The following FGF14 variants were observed in gnomAD, a reference collection of about 807,000 sequenced individuals.
The protein encoded by FGF14 is fibroblast growth factor homologous factor 4.
Under a neutral mutation model 25.5 loss-of-function variants are expected in FGF14, and 5 were observed. That is an observed-to-expected ratio of 0.20 (90% confidence interval 0.10 to 0.41). FGF14 has a LOEUF of 0.41. FGF14 is among the 10% of genes least tolerant of loss of function. FGF14 has a pLI of 1.00. For missense variants in FGF14, 222 were observed against 320.1 expected, an observed-to-expected ratio of 0.69 and a Z score of 2.34; for synonymous variants, 138 against 118.3, an observed-to-expected ratio of 1.17 and a Z score of -1.08.
At chr13:101,961,878 G>A (rs564920910) in intron 1 of FGF14, among the ~76,000 whole-genome samples, 12 of 152,212 alleles carry the variant, frequency 7.9e-5, no homozygotes, top group Middle Eastern at 6.8e-3. Flanking sequence ...CCAGTCTCAA[G>A]TATTTCTTCA....
At chr13:101,723,179 TA>T in intron 4 of FGF14, 1 of 603,534 alleles carries the variant, frequency 1.7e-6, no homozygotes, top group South Asian at 1.8e-5. Context: ...TCTGTATACC[TA>T]AAATATGTAT....
At chr13:101,785,727 T>G (rs1413743062) in intron 3 of FGF14, among the ~76,000 whole-genome samples, 1 of 152,114 alleles carries the variant, frequency 6.6e-6, no homozygotes, top group African/African-American at 2.4e-5. Flanking sequence ...GTTCAGAGGG[T>G]TTTTTTCCTC....
intron 1 of FGF14, among the ~76,000 whole-genome samples, chr13:102,321,779 T>G (rs2056253242): frequency 6.6e-6 from 1 of 152,258 alleles, no homozygotes; most frequent in Non-Finnish European, 1.5e-5. Context: ...CTATCAATTC[T>G]CAGTAGTTTG....
intron 1 of FGF14, among the ~76,000 whole-genome samples, chr13:101,947,699 G>T (rs2139365992): frequency 6.6e-6 from 1 of 152,202 alleles, no homozygotes; most frequent in African/African-American, 2.4e-5. Flanking sequence ...GGGTAGGGAG[G>T]GATCATGGAT....
rs190601556 is a variant in FGF14 at position 101,876,924 on chromosome 13, T to C, written c.194-1628A>G. 6.6e-3 allele frequency among the ~76,000 whole-genome samples: 1,001 copies of C among 152,124 alleles called. 9 individuals are homozygous for C. The highest frequency in any genetic ancestry group is 0.013 in the South Asian group (64 of 4,824). On this transcript the variant is annotated intron_variant, in intron 1 of 4. Coordinates refer to ENST00000376143, the MANE Select transcript of FGF14 (RefSeq NM_004115.4). The stretch of plus-strand genomic sequence containing the variant: ...TGCTCTTCACTGAAAATATGTAGCA[T>C]GGAAAAGAAGCGAATAAAAGCAAAA...
At chr13:102,169,851 T>C (rs1398555634) in intron 1 of FGF14, among the ~76,000 whole-genome samples, 1 of 152,162 alleles carries the variant, frequency 6.6e-6, no homozygotes, top group East Asian at 1.9e-4. Flanking sequence ...CAGCAGCCAC[T>C]GGGCACATGT....
Position 102,378,595 on chromosome 13 carries a change from A to G in FGF14, c.208+22876T>C, listed in dbSNP as rs140820017. Among the ~76,000 whole-genome samples the G allele has an allele frequency of 1.8e-3, 256 of 140,418 alleles. 3 individuals are homozygous for G. Among genetic ancestry groups the G allele is most frequent in the African/African-American group, 6.6e-3 (241 of 36,320 alleles). The allele number at this position is 140,418 out of a possible 152,430, so 92.1% of individuals were successfully genotyped here. Reference sequence around the variant, plus strand: ...TACATTAAGTATGTTATATATATCTATATCTATCTATCTATCTATCTATCT... The same window carrying G: ...TACATTAAGTATGTTATATATATCTGTATCTATCTATCTATCTATCTATCT... On this transcript the variant is annotated intron_variant, in intron 1 of 4. Coordinates refer to the FGF14 transcript ENST00000376131.
chr13:102,257,449 T>A (rs2052503579), intron 1 of FGF14, among the ~76,000 whole-genome samples: 1 of 144,210 alleles, frequency 6.9e-6, no homozygotes, highest in Admixed American at 7.2e-5. Context: ...CCTACCAGGT[T>A]CAAGTGATTC....
intron 1 of FGF14, among the ~76,000 whole-genome samples, chr13:101,959,489 A>C (rs2036709416): frequency 6.6e-6 from 1 of 152,132 alleles, no homozygotes; most frequent in Admixed American, 6.5e-5. Context: ...TTGTTTCACA[A>C]CTTTCAGTCG....
intron 4 of FGF14, among the ~76,000 whole-genome samples, chr13:101,725,416 C>T (rs1357785734): frequency 6.6e-6 from 1 of 151,830 alleles, no homozygotes; most frequent in Non-Finnish European, 1.5e-5. Flanking sequence ...GCCCTGGTAG[C>T]TAACTGTTTG....
chr13:102,156,196 G>A (rs1191650816), intron 1 of FGF14, among the ~76,000 whole-genome samples: 1 of 152,074 alleles, frequency 6.6e-6, no homozygotes, highest in South Asian at 2.1e-4. Flanking sequence ...GCCGGGCAGA[G>A]ACACAACAAA....
At chr13:102,218,982 T>C (rs2390711) in intron 1 of FGF14, among the ~76,000 whole-genome samples, 124,814 of 152,114 alleles carry the variant, frequency 0.82, 51,838 homozygotes, top group African/African-American at 0.95. Flanking sequence ...CAGTACATGA[T>C]GTATTTGGAT....
At chr13:102,387,772 G>A (rs745720294) in intron 1 of FGF14, among the ~76,000 whole-genome samples, 10 of 151,452 alleles carry the variant, frequency 6.6e-5, no homozygotes, top group African/African-American at 9.7e-5. Context: ...TCGCTCTGTC[G>A]CCAGGCTGGA....
intron 1 of FGF14, among the ~76,000 whole-genome samples, chr13:102,311,439 T>C (rs2055761709): frequency 6.6e-6 from 1 of 152,174 alleles, no homozygotes; most frequent in African/African-American, 2.4e-5. Flanking sequence ...TAATTCTAGC[T>C]ACAATGCCCC....
chr13:102,055,920 G>C (rs2042409184), intron 1 of FGF14, among the ~76,000 whole-genome samples: 1 of 152,164 alleles, frequency 6.6e-6, no homozygotes, highest in South Asian at 2.1e-4. Context: ...CAGCAGCCAA[G>C]ATAGAATGAG....
At chr13:101,937,144 A>T (rs965658621) in intron 1 of FGF14, among the ~76,000 whole-genome samples, 29 of 152,208 alleles carry the variant, frequency 1.9e-4, no homozygotes, top group African/African-American at 5.8e-4. Context: ...ACTGTAGATA[A>T]AATTCTCTCT....
rs1486700183 is a variant in FGF14 at position 101,884,864 on chromosome 13, TACATACAC to T, written c.194-9576_194-9569del. ...TTGACCAAACACACACACAGACACATACATACACACACACACACACACACACACAGAGT... is the reference window on the plus strand; with the variant it reads ...TTGACCAAACACACACACAGACACATACACACACACACACACACACAGAGT... On this transcript the variant is annotated intron_variant, in intron 1 of 4. Coordinates refer to ENST00000376143, the MANE Select transcript of FGF14 (RefSeq NM_004115.4). Among the ~76,000 whole-genome samples the T allele has an allele frequency of 5.6e-3, 831 of 148,072 alleles. 2 individuals carry two copies. Among genetic ancestry groups the T allele is most frequent in the Middle Eastern group, 0.024 (7 of 288 alleles).
At chr13:102,271,172 T>C (rs2053226580) in intron 1 of FGF14, among the ~76,000 whole-genome samples, 1 of 152,204 alleles carries the variant, frequency 6.6e-6, no homozygotes, top group African/African-American at 2.4e-5. Flanking sequence ...AATATTACGA[T>C]ATACAGTTTT....
intron 1 of FGF14, among the ~76,000 whole-genome samples, chr13:101,928,225 A>G (rs1286598358): frequency 1.3e-5 from 2 of 152,206 alleles, no homozygotes; most frequent in African/African-American, 4.8e-5. Context: ...AAAAGGAAGA[A>G]AGTCAACCAA....
Sources: allele counts gnomAD v4.1 joint callset (sites outside exome capture counted in the v4.1 genomes callset), GRCh38; gene constraint gnomAD v4.1.1; transcripts MANE v1.5; gene names NCBI Gene and HGNC (gene_info 2026-07-23, HGNC 2026-07-21).